Variants in PNPLA7 observed in about 807,000 individuals in gnomAD.
PNPLA7 encodes the protein patatin like domain 7, lysophospholipase.
PNPLA7 carries 153 observed loss-of-function variants against 161.7 expected under a neutral mutation model. That is an observed-to-expected ratio of 0.95 (90% confidence interval 0.83 to 1.08). The LOEUF (loss-of-function observed/expected upper bound fraction) is 1.08. PNPLA7 is among the 50% of genes least tolerant of loss of function. The pLI is 0.00. For missense variants in PNPLA7, 1,739 were observed against 1,856.6 expected, an observed-to-expected ratio of 0.94 and a Z score of 1.16; for synonymous variants, 809 against 782.1, an observed-to-expected ratio of 1.03 and a Z score of -0.57.
rs1831935833 is a variant in PNPLA7 at position 137,476,121 on chromosome 9, T to A, written c.2882+1913A>T. 6.6e-6 allele frequency among the ~76,000 whole-genome samples: 1 copy of A among 152,080 alleles called. No homozygotes were observed. The highest frequency in any genetic ancestry group is 1.5e-5 in the Non-Finnish European group (1 of 68,006). ...CATGTTAGAAAACAACCAGTAGAGA[T>A]ACGAAGAGGCTAGAGGGCTTTCGGG... On this transcript the variant is annotated intron_variant, in intron 25 of 34. Coordinates refer to ENST00000406427, the MANE Select transcript of PNPLA7 (RefSeq NM_001098537.3). This position sits in a 1 kb window ranked among gnomAD's most constrained non-coding sequence, Gnocchi z 4.5.
At chr9:137,472,664 A>AG (rs1391221248) in intron 25 of PNPLA7, among the ~76,000 whole-genome samples, 13 of 147,418 alleles carry the variant, frequency 8.8e-5, no homozygotes, top group Admixed American at 7.6e-4. Context: ...AAAAAAAAAA[A>AG]AAAAGATTTA....
At chr9:137,483,161 C>T (rs1369031809) in intron 21 of PNPLA7, among the ~76,000 whole-genome samples, 2 of 152,092 alleles carry the variant, frequency 1.3e-5, no homozygotes, top group Non-Finnish European at 2.9e-5. Context: ...CGTGAGCCAC[C>T]ACGCCTGGCT....
intron 25 of PNPLA7, among the ~76,000 whole-genome samples, chr9:137,477,457 C>CT (rs967509031): frequency 0.017 from 2,528 of 147,906 alleles, 71 homozygotes; most frequent in African/African-American, 0.052. Flanking sequence ...GCAACCGCTT[C>CT]TTTTTTTTTT....
At position 137,537,168 on chromosome 9, in the gene PNPLA7, T is replaced by G. The variant is rs748061797; in HGVS notation, c.747+3474A>C. On this transcript the variant is annotated intron_variant, in intron 8 of 34. Transcript: ENST00000406427. This position sits in a 1 kb window ranked among gnomAD's most constrained non-coding sequence, Gnocchi z 4.5. ...CAGACGGCCACTGTTGATAAAACTTTAAGTATGTTTTTAGAATCTGTCCAT... is the reference window on the plus strand; with the variant it reads ...CAGACGGCCACTGTTGATAAAACTTGAAGTATGTTTTTAGAATCTGTCCAT... 2.0e-5 allele frequency among the ~76,000 whole-genome samples: 3 copies of G among 152,234 alleles called. No individual in the cohort carries two copies. The highest frequency in any genetic ancestry group is 4.4e-5 in the Non-Finnish European group (3 of 68,050).
chr9:137,504,986 C>T (rs376706325), intron 14 of PNPLA7, among the ~76,000 whole-genome samples: 14 of 152,112 alleles, frequency 9.2e-5, no homozygotes, highest in South Asian at 6.2e-4. Context: ...GTCAGGAGTT[C>T]GAGACCAGCC....
At position 137,463,209 on chromosome 9, in the gene PNPLA7, T is replaced by A. The variant is rs1444682303; in HGVS notation, c.3343+206A>T. The A allele has an allele frequency of 3.5e-5, 21 of 599,864 alleles. No individual in the cohort carries two copies. The East Asian group carries it at 5.9e-4, about 17-fold the overall frequency. 37.2% of individuals were successfully genotyped at this position (599,864 alleles called of 1,614,324 possible). The stretch of plus-strand genomic sequence containing the variant: ...AAACAGGGCCATATGCTGGAGCACA[T>A]GCTGCCGGTGCCTGCGTGTGCATGT... On this transcript the variant is annotated intron_variant, in intron 29 of 34. Coordinates refer to ENST00000406427, the MANE Select transcript of PNPLA7 (RefSeq NM_001098537.3).
In PNPLA7 at chr9:137,501,668, C is replaced by T. The variant is rs1383959817; in HGVS notation, c.1533G>A (p.Val511=). 31 of 1,612,404 alleles carry T rather than the reference C, an allele frequency of 1.9e-5. No homozygotes were observed. In the East Asian group the frequency reaches 2.7e-4, roughly 14 times the overall value. ...ALLHVPAGTV[V]SRQGDQDASI... is the part of the protein sequence containing the mutation. ...CGCTCACCTGGTCTCCCTGCCTTGA[C>T]ACCACCGTGCCTGCAGGAACGTGCA... is the stretch of plus-strand genomic sequence containing the variant. Residue 511 remains valine (V), a synonymous_variant, in exon 15 of 35, where the codon GTG becomes GTA. Coordinates refer to ENST00000406427, the MANE Select transcript of PNPLA7 (RefSeq NM_001098537.3).
intron 4 of PNPLA7, among the ~76,000 whole-genome samples, chr9:137,544,361 C>T (rs1352953997): frequency 2.0e-5 from 3 of 152,238 alleles, no homozygotes; most frequent in Admixed American, 6.5e-5. Context: ...GCCTGCTGCC[C>T]CTCGGTCCAG....
chr9:137,488,425 C>T (rs1331414850), intron 20 of PNPLA7, among the ~76,000 whole-genome samples: 1 of 152,200 alleles, frequency 6.6e-6, no homozygotes, highest in Non-Finnish European at 1.5e-5. Context: ...TGGTGAGGTT[C>T]TGGCTCTGGG....
At chr9:137,502,397 C>G (rs1226299482) in intron 14 of PNPLA7, among the ~76,000 whole-genome samples, 2 of 151,742 alleles carry the variant, frequency 1.3e-5, no homozygotes, top group African/African-American at 2.4e-5. Context: ...ACTTCCCAAA[C>G]CCTGACGGTG....
rs1831568310 is a variant in PNPLA7 at position 137,468,297 on chromosome 9, GAGA to G, written c.2883-827_2883-825del. The stretch of plus-strand genomic sequence containing the variant: ...CTCAACCAAAGATTACCAGTCATAT[GAGA>G]AGAAAAGCCTCATATAGGCTTTCCT... On this transcript the variant is annotated intron_variant, in intron 25 of 34. Transcript: ENST00000406427. The surrounding 1 kb of genome is among the most constrained non-coding windows in gnomAD (Gnocchi z 4.0). Among the ~76,000 whole-genome samples the G allele has an allele frequency of 6.6e-6, 1 of 152,040 alleles. No homozygotes were observed. The highest frequency in any genetic ancestry group is 2.4e-5 in the African/African-American group (1 of 41,390).
At chr9:137,507,370 C>T (rs557300186) in intron 12 of PNPLA7, among the ~76,000 whole-genome samples, 8 of 152,216 alleles carry the variant, frequency 5.3e-5, no homozygotes, top group Non-Finnish European at 4.4e-5. Context: ...ACACCTTGTA[C>T]GTCAACAAGC....
chr9:137,461,883 C>T, intron 32 of PNPLA7, 48 bp downstream of exon 32: 2 of 1,451,538 alleles, frequency 1.4e-6, no homozygotes, highest in South Asian at 1.3e-5. Flanking sequence ...GCCCGAAGAA[C>T]TGGGCGCGGT....
At chr9:137,516,612 C>T (rs1051254574) in intron 11 of PNPLA7, 1 of 633,428 alleles carries the variant, frequency 1.6e-6, no homozygotes, top group Non-Finnish European at 2.0e-6. Flanking sequence ...AGTTCAAGAC[C>T]ACCCTGGACC....
At chr9:137,462,434 G>A (rs560483463) in intron 30 of PNPLA7, 103 bp from the exon 31 acceptor site, 2 of 1,500,396 alleles carry the variant, frequency 1.3e-6, no homozygotes, top group East Asian at 2.3e-5. Flanking sequence ...CTCTGGGGTA[G>A]GTAGGTTCTG....
chr9:137,484,928 C>T (rs947857461), intron 20 of PNPLA7, among the ~76,000 whole-genome samples, 192 bp from the exon 21 acceptor site: 3 of 151,994 alleles, frequency 2.0e-5, no homozygotes, highest in South Asian at 2.1e-4. Flanking sequence ...CTGGACCTCG[C>T]GCCTCCCCAG....
chr9:137,478,681 G>GGCCTCA, intron 24 of PNPLA7: 1 of 192,818 alleles, frequency 5.2e-6, no homozygotes. Context: ...TGGATGTGGG[G>GGCCTCA]GCCTCAGCCT....
Position 137,484,888 on chromosome 9 carries a change from G to A in PNPLA7, c.2198-152C>T. 2 of 944,436 alleles carry A rather than the reference G, an allele frequency of 2.1e-6. 1 individual carries two copies. Among genetic ancestry groups the A allele is most frequent in the South Asian group, 3.5e-5 (2 of 56,740 alleles). The allele number at this position is 944,436 out of a possible 1,614,324, so 58.5% of individuals were successfully genotyped here. A position where few individuals can be genotyped will look rare whatever the true frequency, so the allele number is the denominator to read the frequency against. On this transcript the variant is annotated intron_variant, in intron 20 of 34. Coordinates refer to ENST00000406427, the MANE Select transcript of PNPLA7 (RefSeq NM_001098537.3). ...GCCTCCCCAGTCCTGAGGCTGCCTG[G>A]CCCTCCCGCCTCCCCAGTCCTGAGG...
Position 137,460,431 on chromosome 9 carries a change from G to C in PNPLA7, c.3991C>G (p.Pro1331Ala). 3 of 1,612,708 alleles carry C rather than the reference G, an allele frequency of 1.9e-6. No homozygotes were observed. Among genetic ancestry groups the C allele is most frequent in the Non-Finnish European group, 2.5e-6 (3 of 1,179,906 alleles). Residue 1331 changes from proline (P) to alanine (A), a missense_variant, in exon 35 of 35, where the codon CCA becomes GCA. By Grantham distance (27) the Pro-to-Ala change is conservative. Transcript: ENST00000406427. Reference protein sequence around the residue: ...LRHRHPSLAFPKLSEGSSDQD... With the variant: ...LRHRHPSLAFAKLSEGSSDQD... ...TCAGAGGAGCCCTCAGACAGTTTTG[G>C]GAAAGCCAGACTGGGGTGTCGATGC... is the stretch of plus-strand genomic sequence containing the variant.
Sources: allele counts gnomAD v4.1 joint callset (sites outside exome capture counted in the v4.1 genomes callset), GRCh38; gene constraint gnomAD v4.1.1; non-coding constraint Gnocchi (gnomAD v3.1); transcripts MANE v1.5; gene names NCBI Gene and HGNC (gene_info 2026-07-23, HGNC 2026-07-21).